Variants in GRIN2A observed in about 807,000 individuals in gnomAD.
The protein encoded by GRIN2A is glutamate ionotropic receptor NMDA type subunit 2A.
In GRIN2A, 22 loss-of-function variants were observed where a neutral mutation model predicts 113.4. The ratio of observed to expected loss-of-function variants is 0.19; its 90% CI spans 0.14 to 0.28. The LOEUF is 0.28. Among genes scored for constraint, GRIN2A ranks in the 10% least tolerant of loss-of-function variants. GRIN2A has a pLI of 1.00. For missense variants in GRIN2A, 1,502 were observed against 1,887.0 expected (o/e 0.80, Z 3.78); for synonymous variants, 827 against 738.4 (o/e 1.12, Z -1.94).
intron 2 of GRIN2A, among the ~76,000 whole-genome samples, chr16:10,080,604 T>C (rs1219999553): frequency 6.6e-6 from 1 of 152,202 alleles, no homozygotes; most frequent in Non-Finnish European, 1.5e-5. Flanking sequence ...GAAGGCTTGA[T>C]GGATTTCTCC....
Position 10,106,114 on chromosome 16 carries a change from T to C in GRIN2A, c.414+73884A>G, listed in dbSNP as rs114215409. Reference sequence around the variant, plus strand: ...AAAGACTTATAGAACTGTGAGAAACTTGGATAAGATGAGGCATGCGTACTT... The same window carrying C: ...AAAGACTTATAGAACTGTGAGAAACCTGGATAAGATGAGGCATGCGTACTT... On this transcript the variant is annotated intron_variant, in intron 2 of 12. Coordinates refer to ENST00000330684, the MANE Select transcript of GRIN2A (RefSeq NM_001134407.3). Among the ~76,000 whole-genome samples, 1,392 of 152,060 alleles carry C rather than the reference T, an allele frequency of 9.2e-3. 23 individuals are homozygous for C. Among genetic ancestry groups the C allele is most frequent in the African/African-American group, 0.032 (1,314 of 41,512 alleles).
At chr16:10,009,637 G>A (rs1308434817) in intron 2 of GRIN2A, among the ~76,000 whole-genome samples, 1 of 152,070 alleles carries the variant, frequency 6.6e-6, no homozygotes, top group Non-Finnish European at 1.5e-5. Context: ...CACCCCACAT[G>A]TTCCTCAAGG....
chr16:9,987,929 G>A (rs2046010670), intron 2 of GRIN2A, among the ~76,000 whole-genome samples: 1 of 152,186 alleles, frequency 6.6e-6, no homozygotes, highest in Non-Finnish European at 1.5e-5. Flanking sequence ...TCCAAAGACT[G>A]TACAGCTAAT....
chr16:10,079,418 A>G (rs1311397507), intron 2 of GRIN2A, among the ~76,000 whole-genome samples: 2 of 152,202 alleles, frequency 1.3e-5, no homozygotes, highest in Non-Finnish European at 2.9e-5. Flanking sequence ...CGCTAAGCCC[A>G]TGGGGTAGGC....
intron 4 of GRIN2A, among the ~76,000 whole-genome samples, chr16:9,854,614 C>T (rs954085212): frequency 2.6e-5 from 4 of 152,156 alleles, no homozygotes; most frequent in East Asian, 1.9e-4. Context: ...CCACCTTGGA[C>T]GTGATGGTGA....
At chr16:10,097,330 T>C (rs1487277327) in intron 2 of GRIN2A, among the ~76,000 whole-genome samples, 1 of 152,220 alleles carries the variant, frequency 6.6e-6, no homozygotes, top group Non-Finnish European at 1.5e-5. Context: ...ACTAAACAAA[T>C]AATCGTAGAG....
At chr16:10,118,735 A>AT (rs1478071500) in intron 2 of GRIN2A, among the ~76,000 whole-genome samples, 1 of 152,228 alleles carries the variant, frequency 6.6e-6, no homozygotes, top group Non-Finnish European at 1.5e-5. Flanking sequence ...CCACTGCTGA[A>AT]TAAAGTGTCC....
At chr16:10,179,306 G>C (rs1298047921) in intron 2 of GRIN2A, among the ~76,000 whole-genome samples, 2 of 152,108 alleles carry the variant, frequency 1.3e-5, no homozygotes, top group Non-Finnish European at 2.9e-5. Flanking sequence ...AACACGTAAG[G>C]AAAATGCCAG....
chr16:9,859,611 C>T (rs1305158938), intron 4 of GRIN2A, among the ~76,000 whole-genome samples: 2 of 84,146 alleles, frequency 2.4e-5, no homozygotes, highest in Non-Finnish European at 5.1e-5. Flanking sequence ...CGAACCTCTA[C>T]ACACACACAC....
chr16:10,112,052 C>G (rs1284818305), intron 2 of GRIN2A: 14 of 622,114 alleles, frequency 2.3e-5, no homozygotes, highest in Non-Finnish European at 4.1e-5. Context: ...TCTCCCACAC[C>G]AACCTGAAGA....
chr16:10,025,837 T>G (rs968222231), intron 2 of GRIN2A, among the ~76,000 whole-genome samples: 1 of 152,154 alleles, frequency 6.6e-6, no homozygotes, highest in South Asian at 2.1e-4. Flanking sequence ...GAAATCTTAC[T>G]GCAAACCCTG....
At chr16:9,782,195 C>T (rs1448728156) in intron 11 of GRIN2A, among the ~76,000 whole-genome samples, 2 of 152,110 alleles carry the variant, frequency 1.3e-5, no homozygotes, top group Admixed American at 6.6e-5. Flanking sequence ...TAAACATATA[C>T]AGACTTTTTT....
chr16:9,777,149 C>G (rs1901651425), intron 11 of GRIN2A, among the ~76,000 whole-genome samples: 1 of 152,098 alleles, frequency 6.6e-6, no homozygotes, highest in Non-Finnish European at 1.5e-5. Context: ...CTCCCAGATG[C>G]AGCAGTGAGA....
intron 2 of GRIN2A, among the ~76,000 whole-genome samples, chr16:9,990,667 A>AC (rs1567220952): frequency 6.8e-6 from 1 of 147,000 alleles, no homozygotes; most frequent in East Asian, 2.0e-4. Context: ...TTACATTGGC[A>AC]TTTTTTTTTT....
chr16:9,881,273 C>T (rs981122443), intron 4 of GRIN2A, among the ~76,000 whole-genome samples: 4 of 152,140 alleles, frequency 2.6e-5, no homozygotes, highest in Non-Finnish European at 5.9e-5. Flanking sequence ...TTTCCTTTTC[C>T]TCTGTAGTTT....
At chr16:9,866,572 T>A (rs1281748607) in intron 4 of GRIN2A, among the ~76,000 whole-genome samples, 1 of 152,328 alleles carries the variant, frequency 6.6e-6, no homozygotes, top group South Asian at 2.1e-4. Context: ...AAATTGGCAA[T>A]TGGCCTTGGG....
At chr16:10,121,284 G>T (rs2048827695) in intron 2 of GRIN2A, 1 of 152,290 alleles carries the variant, frequency 6.6e-6, no homozygotes, top group Non-Finnish European at 1.5e-5. Flanking sequence ...TTTGCCCCAT[G>T]TCTTGGCTCA....
chr16:10,003,524 C>T (rs1284896590), intron 2 of GRIN2A, among the ~76,000 whole-genome samples: 1 of 152,134 alleles, frequency 6.6e-6, no homozygotes, highest in African/African-American at 2.4e-5. Flanking sequence ...ATATGGAAGG[C>T]AGGAAACCAA....
intron 2 of GRIN2A, among the ~76,000 whole-genome samples, chr16:10,131,471 A>T (rs1596538099): frequency 6.9e-6 from 1 of 144,306 alleles, no homozygotes; most frequent in African/African-American, 2.6e-5. Flanking sequence ...CACTTATCCC[A>T]TTTTTTTTTT....
Sources: gnomAD v4.1 joint callset for allele counts (sites outside exome capture counted in the v4.1 genomes callset) on GRCh38, gnomAD v4.1.1 for gene constraint, MANE v1.5 for transcripts, NCBI Gene and HGNC (gene_info 2026-07-23, HGNC 2026-07-21) for gene names.